The following ZNF334 variants were observed in gnomAD, a reference collection of about 807,000 sequenced individuals.
ZNF334 encodes zinc finger protein 334.
In ZNF334, 14 loss-of-function variants were observed where a neutral mutation model predicts 12.4. That is an observed-to-expected ratio of 1.13 (90% CI 0.74 to 1.76). The LOEUF (loss-of-function observed/expected upper bound fraction) is 1.76. Among genes scored for constraint, ZNF334 ranks in the 40% most tolerant of loss-of-function variants. ZNF334 has a pLI of 0.00. For synonymous variants in ZNF334, 273 were observed against 269.6 expected, an observed-to-expected ratio of 1.01 and a Z score of -0.12; for missense variants, 797 against 804.5, an observed-to-expected ratio of 0.99 and a Z score of 0.11.
chr20:46,491,373 A>G, the ZNF334 span: 2 of 152,674 alleles, frequency 1.3e-5, no homozygotes, highest in African/African-American at 2.4e-5. Flanking sequence ...AAAACTCAAC[A>G]TCTATTAATT....
Position 46,501,224 on chromosome 20 carries a change from CAT to C in ZNF334, c.*70_*71del, listed in dbSNP as rs2061145794. The C allele has an allele frequency of 1.9e-6, 3 of 1,539,344 alleles. No individual in the cohort carries two copies. Among genetic ancestry groups the C allele is most frequent in the African/African-American group, 2.8e-5 (2 of 72,386 alleles). ...ATTTATAAGATTTTACTCCTCTATA[CAT>C]ACTCACAGTTTAGCATTGTGTAAGT... On this transcript the variant is annotated 3_prime_UTR_variant, in exon 5 of 5. Coordinates refer to ENST00000692313, the MANE Select transcript of ZNF334 (RefSeq NM_001353824.2).
At position 46,501,095 on chromosome 20, in the gene ZNF334, A is replaced by G. The variant is rs1469147634; in HGVS notation, c.*201T>C. 8 of 583,454 alleles carry G rather than the reference A, an allele frequency of 1.4e-5. No homozygotes were observed. Among genetic ancestry groups the G allele is most frequent in the Non-Finnish European group, 2.0e-5 (7 of 352,974 alleles). 36.1% of individuals were successfully genotyped at this position (583,454 alleles called of 1,614,324 possible). A position where few individuals can be genotyped will look rare whatever the true frequency, so the allele number is the denominator to read the frequency against. ...GCTGTTGAATATTTTCATAGTTCAC[A>G]ATGAATAATACATTTATTAAACAAA... On this transcript the variant is annotated 3_prime_UTR_variant, in exon 5 of 5. Coordinates refer to ENST00000692313, the MANE Select transcript of ZNF334 (RefSeq NM_001353824.2).
rs748410997 is a variant in ZNF334, at chr20:46,500,167, C to T, written c.*1129G>A. 4.6e-5 allele frequency: 7 copies of T among 152,212 alleles called. No individual in the cohort carries two copies. The highest frequency in any genetic ancestry group is 7.3e-5 in the Non-Finnish European group (5 of 68,050). 9.4% of individuals were successfully genotyped at this position (152,212 alleles called of 1,614,324 possible). On this transcript the variant is annotated 3_prime_UTR_variant, in exon 5 of 5. Coordinates refer to ENST00000692313, the MANE Select transcript of ZNF334 (RefSeq NM_001353824.2). ...GCTGAGCAAACCCAGTTACCCATCA[C>T]TATCTTACCAACTAGATAAGCCCAC...
chr20:46,506,105 TA>T, intron 2 of ZNF334: 1 of 376,256 alleles, frequency 2.7e-6, no homozygotes, highest in Non-Finnish European at 4.7e-6. Flanking sequence ...CACTGATCTT[TA>T]CCATGCTGTG....
the ZNF334 span, among the ~76,000 whole-genome samples, chr20:46,486,108 A>G: frequency 2.6e-5 from 4 of 152,230 alleles, no homozygotes; most frequent in Admixed American, 6.5e-5. Flanking sequence ...GCAATGTGGT[A>G]GTGGGAGGGT....
the ZNF334 span, among the ~76,000 whole-genome samples, chr20:46,473,743 C>G: frequency 6.6e-6 from 1 of 152,146 alleles, no homozygotes; most frequent in Non-Finnish European, 1.5e-5. Context: ...AGTGTACATT[C>G]TAGTGAGGAA....
At chr20:46,482,798 G>A in the ZNF334 span, among the ~76,000 whole-genome samples, 3 of 152,202 alleles carry the variant, frequency 2.0e-5, no homozygotes, top group South Asian at 4.2e-4. Context: ...AGATGTTTCC[G>A]TAGCAGCACG....
At chr20:46,464,840 T>G in the ZNF334 span, 2 of 539,850 alleles carry the variant, frequency 3.7e-6, no homozygotes, top group Admixed American at 1.9e-5. Flanking sequence ...AAAGTTTGAG[T>G]CTGACTCAGC....
chr20:46,502,190 C>G lies in ZNF334; in HGVS notation c.1149G>C (p.Gly383=). The G allele has an allele frequency of 6.2e-7, 1 of 1,614,090 alleles. No individual in the cohort carries two copies. The highest frequency in any genetic ancestry group is 8.5e-7 in the Non-Finnish European group (1 of 1,180,018). Residue 383 remains glycine, a synonymous_variant, in exon 5 of 5, where the codon GGG becomes GGC. Coordinates refer to ENST00000692313, the MANE Select transcript of ZNF334 (RefSeq NM_001353824.2). Reference sequence around the variant, plus strand: ...GGGCTGACTGACAGAAGAAGGTTTTCCCACATTCCTTACATTCATTTGGCT... The same window carrying G: ...GGGCTGACTGACAGAAGAAGGTTTTGCCACATTCCTTACATTCATTTGGCT... ...GEKPNECKEC[G]KTFFCQSALT...
downstream of ZNF334, among the ~76,000 whole-genome samples, chr20:46,494,907 C>T (rs531958545): frequency 6.6e-5 from 10 of 152,104 alleles, no homozygotes; most frequent in South Asian, 2.1e-4. Flanking sequence ...ATTTCCTAGG[C>T]GCTGTCACTA....
At chr20:46,482,294 T>C in the ZNF334 span, among the ~76,000 whole-genome samples, 3 of 152,328 alleles carry the variant, frequency 2.0e-5, no homozygotes, top group East Asian at 5.8e-4. Flanking sequence ...TAGGGCCCAA[T>C]GTTTAGAAGA....
the ZNF334 span, among the ~76,000 whole-genome samples, chr20:46,480,139 A>G: frequency 1.3e-5 from 2 of 152,106 alleles, no homozygotes; most frequent in Admixed American, 6.5e-5. Flanking sequence ...AGCCATGGTC[A>G]CTCATATTGG....
chr20:46,492,399 A>C, the ZNF334 span: 1 of 153,260 alleles, frequency 6.5e-6, no homozygotes, highest in Non-Finnish European at 1.5e-5. Flanking sequence ...ACATGTAATG[A>C]ATGTGGAAAG....
the ZNF334 span, among the ~76,000 whole-genome samples, chr20:46,467,941 C>T: frequency 6.6e-6 from 1 of 152,294 alleles, no homozygotes; most frequent in East Asian, 1.9e-4. Context: ...GTTTTTAATG[C>T]TAAAGTGATA....
Position 46,501,086 on chromosome 20 carries a change from A to T in ZNF334, c.*210T>A. The T allele has an allele frequency of 1.8e-6, 1 of 545,104 alleles. No individual in the cohort carries two copies. The highest frequency in any genetic ancestry group is 3.1e-6 in the Non-Finnish European group (1 of 325,152). 33.8% of individuals were successfully genotyped at this position (545,104 alleles called of 1,614,324 possible). Reference sequence around the variant, plus strand: ...CTTTGAATTGCTGTTGAATATTTTCATAGTTCACAATGAATAATACATTTA... The same window carrying T: ...CTTTGAATTGCTGTTGAATATTTTCTTAGTTCACAATGAATAATACATTTA... On this transcript the variant is annotated 3_prime_UTR_variant, in exon 5 of 5. Transcript: ENST00000692313.
downstream of ZNF334, among the ~76,000 whole-genome samples, chr20:46,496,485 G>T (rs1268784701): frequency 1.3e-5 from 2 of 152,320 alleles, no homozygotes; most frequent in South Asian, 2.1e-4. Context: ...ACCAACAAGG[G>T]ATTTACCATC....
chr20:46,462,690 A>C, the ZNF334 span, among the ~76,000 whole-genome samples: 3 of 152,240 alleles, frequency 2.0e-5, no homozygotes, highest in African/African-American at 7.2e-5. Flanking sequence ...TTCTTTATAT[A>C]GACAGGCAGA....
At chr20:46,494,295 C>T in the ZNF334 span, among the ~76,000 whole-genome samples, 2 of 152,204 alleles carry the variant, frequency 1.3e-5, no homozygotes, top group Admixed American at 6.5e-5. Flanking sequence ...TCCATAGACA[C>T]TATTCAGTTT....
At chr20:46,510,518 G>A (rs2061605776) in intron 2 of ZNF334, among the ~76,000 whole-genome samples, 1 of 152,140 alleles carries the variant, frequency 6.6e-6, no homozygotes, top group Non-Finnish European at 1.5e-5. Flanking sequence ...GAGGTCAGGA[G>A]ATTGAGACCA....
Sources: gnomAD v4.1 joint callset for allele counts (sites outside exome capture counted in the v4.1 genomes callset) on GRCh38, gnomAD v4.1.1 for gene constraint, MANE v1.5 for transcripts, NCBI Gene and HGNC (gene_info 2026-07-23, HGNC 2026-07-21) for gene names.